Variants in ALK observed in about 807,000 individuals in gnomAD.
ALK encodes ALK tyrosine kinase receptor.
A neutral mutation model predicts 163.1 loss-of-function variants in ALK; 74 were observed. The ratio of observed to expected loss-of-function variants is 0.45; its 90% CI spans 0.38 to 0.55. The LOEUF (loss-of-function observed/expected upper bound fraction) is 0.55. Ranked by LOEUF, ALK falls within the 20% of genes least tolerant of loss-of-function variation. ALK has a pLI of 0.00. For synonymous variants in ALK, 960 were observed against 843.2 expected, an observed-to-expected ratio of 1.14 and a Z score of -2.40; for missense variants, 2,063 against 2,105.3, an observed-to-expected ratio of 0.98 and a Z score of 0.39.
intron 1 of ALK, among the ~76,000 whole-genome samples, chr2:29,720,267 C>T (rs1019365773): frequency 5.9e-5 from 9 of 151,976 alleles, no homozygotes; most frequent in African/African-American, 2.2e-4. Context: ...CATGACCCAG[C>T]AAGGTAATAT....
intron 11 of ALK, among the ~76,000 whole-genome samples, chr2:29,264,344 C>A (rs146321053): frequency 3.3e-5 from 5 of 152,238 alleles, no homozygotes; most frequent in Non-Finnish European, 5.9e-5. Flanking sequence ...TCTGCTCCCA[C>A]GTCCTTGAAG....
intron 1 of ALK, among the ~76,000 whole-genome samples, chr2:29,762,216 C>A (rs1184708040): frequency 1.3e-5 from 2 of 152,196 alleles, no homozygotes; most frequent in Non-Finnish European, 2.9e-5. Flanking sequence ...ATAGTTCATT[C>A]TTCTCTAACA....
In ALK at chr2:29,193,327, T is replaced by G; in HGVS notation, c.4760A>C (p.Gln1587Pro). The G allele has an allele frequency of 1.9e-6, 3 of 1,614,202 alleles. No individual in the cohort carries two copies. The highest frequency in any genetic ancestry group is 2.5e-6 in the Non-Finnish European group (3 of 1,180,038). The change falls in exon 29 of 29, where the codon CAG becomes CCG. Residue 1587 changes from glutamine (Q) to proline (P), a missense_variant. By Grantham distance (76) the Gln-to-Pro change is moderately conservative. Coordinates refer to ENST00000389048, the MANE Select transcript of ALK (RefSeq NM_004304.5). ...FPCGNVNYGYQQQGLPLEAAT... is the reference protein window; with the variant it reads ...FPCGNVNYGYPQQGLPLEAAT... ...GGCTTCTAAGGGCAAGCCCTGTTGC[T>G]GGTAGCCGTAATTGACATTCCCACA...
At chr2:29,355,690 G>C in intron 5 of ALK, among the ~76,000 whole-genome samples, 1 of 152,200 alleles carries the variant, frequency 6.6e-6, no homozygotes, top group East Asian at 1.9e-4. Context: ...TCACTGAACT[G>C]TCAGAAGTGC....
intron 3 of ALK, among the ~76,000 whole-genome samples, chr2:29,559,768 CGT>C (rs56285031): frequency 0.014 from 1,983 of 143,090 alleles, 23 homozygotes; most frequent in African/African-American, 0.031. Flanking sequence ...GGAGCATGTA[CGT>C]GTGTGTGTGT....
intron 3 of ALK, among the ~76,000 whole-genome samples, chr2:29,586,589 C>T (rs1674894900): frequency 6.6e-6 from 1 of 152,148 alleles, no homozygotes; most frequent in Admixed American, 6.5e-5. Flanking sequence ...TGGTTATCTC[C>T]AAGCTCCTCT....
chr2:29,878,935 G>A (rs1666789923), intron 1 of ALK, among the ~76,000 whole-genome samples: 1 of 152,188 alleles, frequency 6.6e-6, no homozygotes, highest in African/African-American at 2.4e-5. Context: ...GCAAAATGCT[G>A]CAGAGAAACA....
intron 1 of ALK, among the ~76,000 whole-genome samples, chr2:29,898,143 C>T (rs1667320511): frequency 6.6e-6 from 1 of 152,230 alleles, no homozygotes; most frequent in Admixed American, 6.5e-5. Flanking sequence ...CTCAGGGCCT[C>T]TCTTTCCTGC....
intron 3 of ALK, among the ~76,000 whole-genome samples, chr2:29,538,935 G>C (rs922507980): frequency 6.6e-6 from 1 of 152,044 alleles, no homozygotes; most frequent in African/African-American, 2.4e-5. Context: ...TTAACTTTAT[G>C]TGATATATTT....
rs571914653 is a variant in ALK, at chr2:29,699,041, G to A, written c.788-4027C>T. 1.2e-4 allele frequency among the ~76,000 whole-genome samples: 18 copies of A among 152,276 alleles called. 1 individual carries two copies. The South Asian group carries it at 2.3e-3, about 19-fold the overall frequency. On this transcript the variant is annotated intron_variant, in intron 2 of 28. Transcript: ENST00000389048. ...GTCTTATTTTCCTTGGGCCTCTTCC[G>A]AGGTTCTAGACCTAGTGTGCTTCTT...
chr2:29,884,849 T>C (rs892583698), intron 1 of ALK, among the ~76,000 whole-genome samples: 1 of 152,210 alleles, frequency 6.6e-6, no homozygotes, highest in Non-Finnish European at 1.5e-5. Flanking sequence ...TCTGCCTGAA[T>C]AGATTTTTAA....
Position 29,192,902 on chromosome 2 carries a change from A to G in ALK, c.*322T>C, listed in dbSNP as rs945641256. The G allele has an allele frequency of 1.4e-5, 6 of 439,274 alleles. No individual in the cohort carries two copies. The highest frequency in any genetic ancestry group is 2.5e-5 in the Non-Finnish European group (6 of 235,956). The allele number at this position is 439,274 out of a possible 1,614,324, so 27.2% of individuals were successfully genotyped here. A position where few individuals can be genotyped will look rare whatever the true frequency, so the allele number is the denominator to read the frequency against. ...CATAGAAGCAGCTAATTCTGACTAC[A>G]TTGAAGCAGAGCACACACAATTTGA... On this transcript the variant is annotated 3_prime_UTR_variant, in exon 29 of 29. Transcript: ENST00000389048.
chr2:29,676,649 A>T (rs144807727), intron 3 of ALK, among the ~76,000 whole-genome samples: 1 of 151,994 alleles, frequency 6.6e-6, no homozygotes, highest in African/African-American at 2.4e-5. Flanking sequence ...GGTCTTTTCC[A>T]TATAAATTTT....
intron 5 of ALK, among the ~76,000 whole-genome samples, chr2:29,373,572 G>A (rs1037048858): frequency 2.0e-5 from 3 of 152,124 alleles, no homozygotes; most frequent in African/African-American, 7.2e-5. Context: ...TCCAATGATC[G>A]AATATTTAAA....
chr2:29,598,238 C>A (rs1675270721), intron 3 of ALK, among the ~76,000 whole-genome samples: 1 of 152,202 alleles, frequency 6.6e-6, no homozygotes, highest in Non-Finnish European at 1.5e-5. Flanking sequence ...GTTGGCCAGG[C>A]TGCTCTCAAA....
intron 3 of ALK, among the ~76,000 whole-genome samples, chr2:29,649,699 C>T (rs10177844): frequency 0.015 from 2,281 of 152,246 alleles, 29 homozygotes; most frequent in South Asian, 0.046. Flanking sequence ...ACAGACTCTT[C>T]CTCAACCTCC....
intron 3 of ALK, among the ~76,000 whole-genome samples, chr2:29,585,304 T>C (rs1477138531): frequency 6.6e-6 from 1 of 152,158 alleles, no homozygotes; most frequent in East Asian, 1.9e-4. Context: ...GCAGTTAATA[T>C]TTCAATGTAT....
At chr2:29,447,776 C>T (rs918424057) in intron 4 of ALK, among the ~76,000 whole-genome samples, 2 of 152,120 alleles carry the variant, frequency 1.3e-5, no homozygotes, top group Admixed American at 6.5e-5. Flanking sequence ...CAGAAACCCA[C>T]GCACACATCT....
rs543731713 is a variant in ALK, at chr2:29,445,874, C to A, written c.1155-62015G>T. On this transcript the variant is annotated intron_variant, in intron 4 of 28. Coordinates refer to ENST00000389048, the MANE Select transcript of ALK (RefSeq NM_004304.5). The stretch of plus-strand genomic sequence containing the variant: ...CAGCACTTTGGGAGGCCGAGGCGGG[C>A]GGATCACGAGGTCAGGAGATCGAGA... Among the ~76,000 whole-genome samples, 38 of 150,854 alleles carry A rather than the reference C, an allele frequency of 2.5e-4. No individual in the cohort carries two copies. The South Asian group carries it at 6.3e-3, about 25-fold the overall frequency.
Sources: gnomAD v4.1 joint callset for allele counts (sites outside exome capture counted in the v4.1 genomes callset) on GRCh38, gnomAD v4.1.1 for gene constraint, MANE v1.5 for transcripts, NCBI Gene and HGNC (gene_info 2026-07-23, HGNC 2026-07-21) for gene names.